The following SORCS2 variants were observed in gnomAD, a reference collection of about 807,000 sequenced individuals.
SORCS2 encodes the protein VPS10 domain-containing receptor SorCS2.
SORCS2 carries 100 observed loss-of-function variants against 141.6 expected under a neutral mutation model. The ratio of observed to expected loss-of-function variants is 0.71; its 90% confidence interval spans 0.60 to 0.83. The LOEUF (loss-of-function observed/expected upper bound fraction) is 0.83, where lower values mean the gene tolerates loss of function less well. Ranked by LOEUF, SORCS2 falls within the 40% of genes least tolerant of loss-of-function variation. The pLI, the probability that SORCS2 is intolerant of heterozygous loss-of-function variation, is 0.00. For missense variants in SORCS2, 1,646 were observed against 1,560.2 expected (o/e 1.05, Z -0.93); for synonymous variants, 789 against 676.9 (o/e 1.17, Z -2.57).
At chr4:7,437,531 G>GA (rs1372706365) in intron 2 of SORCS2, among the ~76,000 whole-genome samples, 3 of 152,214 alleles carry the variant, frequency 2.0e-5, no homozygotes, top group African/African-American at 7.2e-5. Context: ...TCCTCGAATG[G>GA]CTTGGTCTTT....
chr4:7,374,129 CTCTTTCTTTCTTTCTTTCTT>C (rs1162945229), intron 1 of SORCS2, among the ~76,000 whole-genome samples: 132 of 51,856 alleles, frequency 2.5e-3, no homozygotes, highest in Middle Eastern at 7.2e-3. Context: ...CTTTCTTTCC[CTCTTTCTTTCTTTCTTTCTT>C]TCTTTCTTTC....
chr4:7,208,238 G>A (rs4260541), intron 1 of SORCS2, among the ~76,000 whole-genome samples: 1 of 152,174 alleles, frequency 6.6e-6, no homozygotes, highest in African/African-American at 2.4e-5. Context: ...GCTGGGGCAG[G>A]TGGGGGTTAG....
intron 1 of SORCS2, among the ~76,000 whole-genome samples, chr4:7,352,220 G>A (rs1249940834): frequency 6.6e-6 from 1 of 152,364 alleles, no homozygotes; most frequent in South Asian, 2.1e-4. Flanking sequence ...GATTGTGAAA[G>A]CTTCCAGAGC....
chr4:7,414,130 C>A (rs779546010), intron 2 of SORCS2, among the ~76,000 whole-genome samples: 3 of 152,200 alleles, frequency 2.0e-5, no homozygotes, highest in Non-Finnish European at 4.4e-5. Context: ...TTCTGTAAAT[C>A]CCATTAACGG....
intron 9 of SORCS2, among the ~76,000 whole-genome samples, chr4:7,682,274 G>C (rs1723570704): frequency 6.6e-6 from 1 of 152,144 alleles, no homozygotes; most frequent in Admixed American, 6.5e-5. Flanking sequence ...TGTTTGTATG[G>C]GGATTGAGCT....
intron 18 of SORCS2, among the ~76,000 whole-genome samples, chr4:7,722,844 G>C (rs1726683693): frequency 6.6e-6 from 1 of 152,128 alleles, no homozygotes; most frequent in Non-Finnish European, 1.5e-5. Flanking sequence ...ACGTTTGGCT[G>C]GTATAAACTG....
At chr4:7,577,280 G>A (rs1377470626) in intron 3 of SORCS2, among the ~76,000 whole-genome samples, 1 of 152,234 alleles carries the variant, frequency 6.6e-6, no homozygotes, top group African/African-American at 2.4e-5. Flanking sequence ...GTTCCCTGGT[G>A]GGGAGACAGG....
At position 7,742,388 on chromosome 4, in the gene SORCS2, C is replaced by T. The variant is rs866588161; in HGVS notation, c.*2124C>T. The T allele has an allele frequency of 5.3e-5, 8 of 152,348 alleles. No individual in the cohort carries two copies. Among genetic ancestry groups the T allele is most frequent in the South Asian group, 2.1e-4 (1 of 4,832 alleles). The allele number at this position is 152,348 out of a possible 1,614,324, so 9.4% of individuals were successfully genotyped here. On this transcript the variant is annotated 3_prime_UTR_variant, in exon 27 of 27. Coordinates refer to ENST00000507866, the MANE Select transcript of SORCS2 (RefSeq NM_020777.3). ...CATGGAACCCTGGGAACTGCCCTCC[C>T]CCTTAGCTCACAGTGCCTGCGGTAG...
At position 7,322,350 on chromosome 4, in the gene SORCS2, C is replaced by T. The variant is rs558989731; in HGVS notation, c.481-73938C>T. ...CTGGCATGCAGCTGCTGTCTCTGGACACAATGTGCTCCCTCTATCTGCCTC... is the reference window on the plus strand; with the variant it reads ...CTGGCATGCAGCTGCTGTCTCTGGATACAATGTGCTCCCTCTATCTGCCTC... On this transcript the variant is annotated intron_variant, in intron 1 of 26. Coordinates refer to ENST00000507866, the MANE Select transcript of SORCS2 (RefSeq NM_020777.3). Among the ~76,000 whole-genome samples, 67 of 149,946 alleles carry T rather than the reference C, an allele frequency of 4.5e-4. 1 individual carries two copies. Among genetic ancestry groups the T allele is most frequent in the African/African-American group, 1.5e-3 (62 of 41,370 alleles).
chr4:7,252,406 C>T (rs1713568369), intron 1 of SORCS2, among the ~76,000 whole-genome samples: 1 of 152,220 alleles, frequency 6.6e-6, no homozygotes, highest in Admixed American at 6.5e-5. Context: ...GAGCAAACCG[C>T]AAGACTCTGG....
chr4:7,282,477 T>C (rs960088909), intron 1 of SORCS2, among the ~76,000 whole-genome samples: 3 of 152,218 alleles, frequency 2.0e-5, no homozygotes, highest in African/African-American at 7.2e-5. Flanking sequence ...GTTTGTATTG[T>C]TGGAGTGTTT....
rs112664449 is a variant in SORCS2, at chr4:7,510,632, C to T, written c.549-20898C>T. On this transcript the variant is annotated intron_variant, in intron 2 of 26. Coordinates refer to ENST00000507866, the MANE Select transcript of SORCS2 (RefSeq NM_020777.3). ...TGTCCAGGAAATGCCACCCCGGGGC[C>T]GGCGCCTTGTTCTGGGTGCGGCATG... Among the ~76,000 whole-genome samples, 459 of 150,276 alleles carry T rather than the reference C, an allele frequency of 3.1e-3. 3 individuals are homozygous for T. The highest frequency in any genetic ancestry group is 0.011 in the African/African-American group (431 of 40,782).
intron 2 of SORCS2, among the ~76,000 whole-genome samples, chr4:7,443,940 A>G (rs1472990226): frequency 1.3e-5 from 2 of 152,142 alleles, no homozygotes; most frequent in Middle Eastern, 3.2e-3. Context: ...TCTTAACACA[A>G]TGGGCCCCAC....
At chr4:7,266,258 G>A (rs1577337831) in intron 1 of SORCS2, among the ~76,000 whole-genome samples, 1 of 152,178 alleles carries the variant, frequency 6.6e-6, no homozygotes, top group East Asian at 1.9e-4. Context: ...CAGCTTGGTG[G>A]AACAATTCAG....
intron 2 of SORCS2, among the ~76,000 whole-genome samples, chr4:7,459,069 G>A (rs1166211557): frequency 6.6e-6 from 1 of 151,250 alleles, no homozygotes; most frequent in African/African-American, 2.4e-5. Flanking sequence ...CCCCGATATT[G>A]CTCCCCTGGG....
At chr4:7,724,079 T>C (rs1293215614) in intron 19 of SORCS2, among the ~76,000 whole-genome samples, 196 bp downstream of exon 19, 2 of 150,694 alleles carry the variant, frequency 1.3e-5, no homozygotes, top group East Asian at 3.9e-4. Context: ...AGGGCAGAGC[T>C]GGTAGCTGGT....
intron 1 of SORCS2, among the ~76,000 whole-genome samples, chr4:7,241,673 T>C (rs4689665): frequency 0.87 from 131,911 of 152,210 alleles, 57,439 homozygotes; most frequent in African/African-American, 0.95. Flanking sequence ...CTCTGACAGT[T>C]GCCAGCACAC....
intron 2 of SORCS2, among the ~76,000 whole-genome samples, chr4:7,446,801 C>T (rs1468318835): frequency 6.6e-6 from 1 of 152,220 alleles, no homozygotes; most frequent in Non-Finnish European, 1.5e-5. Flanking sequence ...CGTGGGGAAA[C>T]CCCGGGACAT....
At chr4:7,650,309 G>C (rs1170769337) in intron 4 of SORCS2, among the ~76,000 whole-genome samples, 1 of 152,202 alleles carries the variant, frequency 6.6e-6, no homozygotes, top group African/African-American at 2.4e-5. Context: ...GCTGGTGCTC[G>C]CACCTGGAGC....
Sources: allele counts gnomAD v4.1 joint callset (sites outside exome capture counted in the v4.1 genomes callset), GRCh38; gene constraint gnomAD v4.1.1; transcripts MANE v1.5; gene names NCBI Gene and HGNC (gene_info 2026-07-23, HGNC 2026-07-21).